The following EPHB6 variants were observed in gnomAD, a reference collection of about 807,000 sequenced individuals.
EPHB6 encodes the protein EPH receptor B6.
Under a neutral mutation model 107.0 loss-of-function variants are expected in EPHB6, and 51 were observed. The observed-to-expected ratio is 0.48, with a 90% CI of 0.38 to 0.60. The LOEUF (loss-of-function observed/expected upper bound fraction) is 0.60. Among genes scored for constraint, EPHB6 ranks in the 20% least tolerant of loss-of-function variants. The pLI is 0.00. For missense variants in EPHB6, 1,141 were observed against 1,355.5 expected, an observed-to-expected ratio of 0.84 and a Z score of 2.48; for synonymous variants, 553 against 549.0, an observed-to-expected ratio of 1.01 and a Z score of -0.10.
chr7:142,858,828 AAC>A (rs1486779596), intron 1 of EPHB6, among the ~76,000 whole-genome samples: 1 of 152,126 alleles, frequency 6.6e-6, no homozygotes, highest in African/African-American at 2.4e-5. Context: ...ATACCTAAGA[AAC>A]AGTCTTATTT....
chr7:142,867,104 G>A lies in EPHB6; in HGVS notation c.1750+36G>A. 6.2e-7 allele frequency: 1 copy of A among 1,604,414 alleles called. No homozygotes were observed. Among genetic ancestry groups the A allele is most frequent in the Non-Finnish European group, 8.5e-7 (1 of 1,177,432 alleles). On this transcript the variant is annotated intron_variant, in intron 11 of 19. Coordinates refer to ENST00000652003, the MANE Select transcript of EPHB6 (RefSeq NM_004445.6). The surrounding 1 kb of genome is among the most constrained non-coding windows in gnomAD (Gnocchi z 5.3). Reference sequence around the variant, plus strand: ...GTCAAGGGCCAGATGGGCAGGTGAAGGCCCAAGTGGGTAGTGAGGAGAGGC... The same window carrying A: ...GTCAAGGGCCAGATGGGCAGGTGAAAGCCCAAGTGGGTAGTGAGGAGAGGC...
Position 142,868,233 on chromosome 7 carries a change from C to T in EPHB6, c.1919-8C>T, listed in dbSNP as rs1794710333. ...AACACGCTCATAACATACTCCACAC[C>T]CCTCCAGGACTCGGGGTGAAGTATT... On this transcript the variant is annotated splice_region_variant and splice_polypyrimidine_tract_variant and intron_variant, in intron 13 of 19. Coordinates refer to ENST00000652003, the MANE Select transcript of EPHB6 (RefSeq NM_004445.6). The surrounding 1 kb of genome is among the most constrained non-coding windows in gnomAD (Gnocchi z 4.2). 1 of 1,614,150 alleles carries T rather than the reference C, an allele frequency of 6.2e-7. No homozygotes were observed. The highest frequency in any genetic ancestry group is 2.2e-5 in the East Asian group (1 of 44,876).
chr7:142,867,581 C>T lies in EPHB6; in HGVS notation c.1751-27C>T, dbSNP rs1274022861. 1.9e-6 allele frequency: 3 copies of T among 1,593,326 alleles called. No homozygotes were observed. The highest frequency in any genetic ancestry group is 2.7e-5 in the African/African-American group (2 of 74,678). ...AGCACCTGTGAGAGACCTGGCCCACCTGTGACCCTGTCGGCTGGTCCCCCA... is the reference window on the plus strand; with the variant it reads ...AGCACCTGTGAGAGACCTGGCCCACTTGTGACCCTGTCGGCTGGTCCCCCA... On this transcript the variant is annotated intron_variant, in intron 11 of 19. Transcript: ENST00000652003. The surrounding 1 kb of genome is among the most constrained non-coding windows in gnomAD (Gnocchi z 5.3).
chr7:142,863,786 G>A lies in EPHB6; in HGVS notation c.165+91G>A. ...GGAATTCATGAAGGAAACCCTGGGT[G>A]AGGATTATGGGAAAAGGATCCCTCC... On this transcript the variant is annotated intron_variant, in intron 6 of 19. Coordinates refer to ENST00000652003, the MANE Select transcript of EPHB6 (RefSeq NM_004445.6). The A allele has an allele frequency of 4.0e-6, 6 of 1,515,822 alleles. 1 individual carries two copies. The South Asian group carries it at 5.6e-5, about 14-fold the overall frequency. 93.9% of individuals were successfully genotyped at this position (1,515,822 alleles called of 1,614,324 possible). A position where few individuals can be genotyped will look rare whatever the true frequency, so the allele number is the denominator to read the frequency against.
In EPHB6 at chr7:142,865,620, C is replaced by T; in HGVS notation, c.1095C>T (p.Ala365=). 1 of 1,613,446 alleles carries T rather than the reference C, an allele frequency of 6.2e-7. No individual in the cohort carries two copies. Among genetic ancestry groups the T allele is most frequent in the Non-Finnish European group, 8.5e-7 (1 of 1,179,986 alleles). ...FYRASSDPPE[A]PCTGPPSAPQ... Reference sequence around the variant, plus strand: ...GGGCCAGTTCCGACCCACCAGAGGCCCCCTGCACTGGTGAGTTCCTCACCC... The same window carrying T: ...GGGCCAGTTCCGACCCACCAGAGGCTCCCTGCACTGGTGAGTTCCTCACCC... Residue 365 remains alanine, a synonymous_variant, in exon 8 of 20, where the codon GCC becomes GCT. Transcript: ENST00000652003.
chr7:142,865,836 C>T, intron 8 of EPHB6, 124 bp from the exon 9 acceptor site: 1 of 1,183,436 alleles, frequency 8.4e-7, no homozygotes, highest in African/African-American at 1.5e-5. Flanking sequence ...TGGGCTACCC[C>T]CACCCCACGC....
At position 142,870,692 on chromosome 7, in the gene EPHB6, A is replaced by C. The variant is rs750158472; in HGVS notation, c.2960+7A>C. On this transcript the variant is annotated splice_region_variant and intron_variant, in intron 19 of 19. Transcript: ENST00000652003. ...TGGCTCAGCTCAGCCTAGAGTAAGC[A>C]GGGAGTGGTGGGGTGGGGGCGAATG... 23 of 1,613,988 alleles carry C rather than the reference A, an allele frequency of 1.4e-5. No homozygotes were observed. The highest frequency in any genetic ancestry group is 1.3e-5 in the African/African-American group (1 of 74,898).
chr7:142,865,252 C>T (rs560998512), intron 7 of EPHB6, among the ~76,000 whole-genome samples: 15 of 152,248 alleles, frequency 9.9e-5, no homozygotes, highest in Non-Finnish European at 2.1e-4. Flanking sequence ...GTAACCCCCA[C>T]TGCACCTCAC....
Position 142,869,269 on chromosome 7 carries a change from A to G in EPHB6, c.2460+122A>G, listed in dbSNP as rs567361119. The G allele has an allele frequency of 1.0e-5, 12 of 1,147,788 alleles. No individual in the cohort carries two copies. The African/African-American group carries it at 1.5e-4, about 14-fold the overall frequency. The allele number at this position is 1,147,788 out of a possible 1,614,324, so 71.1% of individuals were successfully genotyped here. A position where few individuals can be genotyped will look rare whatever the true frequency, so the allele number is the denominator to read the frequency against. ...CAGCCGGGGTGTCATAGTCCCTGAA[A>G]GGAGGGAGGCTCTCCTGTGTGATGG... is the stretch of plus-strand genomic sequence containing the variant. On this transcript the variant is annotated intron_variant, in intron 16 of 19. Coordinates refer to ENST00000652003, the MANE Select transcript of EPHB6 (RefSeq NM_004445.6). This position sits in a 1 kb window ranked among gnomAD's most constrained non-coding sequence, Gnocchi z 4.5.
In EPHB6 at chr7:142,868,112, A is replaced by C. The variant is rs956814922; in HGVS notation, c.1918+63A>C. The stretch of plus-strand genomic sequence containing the variant: ...CACATGGGTGGGGCACATGGCAGGC[A>C]AGGCTGGATCCCCCCAAGATTGGGG... On this transcript the variant is annotated intron_variant, in intron 13 of 19. Coordinates refer to ENST00000652003, the MANE Select transcript of EPHB6 (RefSeq NM_004445.6). The surrounding 1 kb of genome is among the most constrained non-coding windows in gnomAD (Gnocchi z 4.2). 6.2e-7 allele frequency: 1 copy of C among 1,613,624 alleles called. No individual in the cohort carries two copies. The highest frequency in any genetic ancestry group is 1.3e-5 in the African/African-American group (1 of 74,926).
chr7:142,862,927 C>T (rs1208847534), intron 4 of EPHB6, 94 bp downstream of exon 4: 17 of 418,112 alleles, frequency 4.1e-5, no homozygotes, highest in East Asian at 2.6e-4. Context: ...GGAGTAGGCA[C>T]GAACACTCCA....
At position 142,869,747 on chromosome 7, in the gene EPHB6, C is replaced by T. The variant is rs1377618822; in HGVS notation, c.2461-70C>T. 1.3e-6 allele frequency: 2 copies of T among 1,552,954 alleles called. No individual in the cohort carries two copies. The highest frequency in any genetic ancestry group is 1.4e-5 in the African/African-American group (1 of 73,704). On this transcript the variant is annotated intron_variant, in intron 16 of 19. Coordinates refer to ENST00000652003, the MANE Select transcript of EPHB6 (RefSeq NM_004445.6). This position sits in a 1 kb window ranked among gnomAD's most constrained non-coding sequence, Gnocchi z 4.5. ...GTAAAACCCTTGGCATATCTGAGCA[C>T]ATAGTAGTTGCTCAATAAACGTGAC...
At position 142,864,535 on chromosome 7, in the gene EPHB6, G is replaced by C; in HGVS notation, c.735G>C (p.Glu245Asp). 6.2e-7 allele frequency: 1 copy of C among 1,613,404 alleles called. No homozygotes were observed. Among genetic ancestry groups the C allele is most frequent in the Non-Finnish European group, 8.5e-7 (1 of 1,179,982 alleles). The change falls in exon 7 of 20, where the codon GAG becomes GAC. Residue 245 changes from glutamate (E) to aspartate (D), a missense_variant. By Grantham distance (45) the Glu-to-Asp change is conservative. Around this residue, in one of 3 missense-constraint regions of EPHB6, gnomAD observed 304 missense variants for 295.7 expected, o/e 1.03. Transcript: ENST00000652003. The part of the protein sequence containing the change: ...AVLRSFASFP[E>D]TQASGAGGAS... ...TCCGATCCTTTGCTTCCTTTCCAGA[G>C]ACGCAGGCCAGTGGGGCTGGGGGGG... is the stretch of plus-strand genomic sequence containing the variant.
Position 142,858,742 on chromosome 7 carries a change from G to A in EPHB6, c.-431-2310G>A, listed in dbSNP as rs142000515. 1.1e-3 allele frequency among the ~76,000 whole-genome samples: 167 copies of A among 151,624 alleles called. 1 individual carries two copies. Among genetic ancestry groups the A allele is most frequent in the Admixed American group, 4.0e-3 (60 of 15,186 alleles). On this transcript the variant is annotated intron_variant, in intron 1 of 19. Transcript: ENST00000652003. ...TTTCATTTTTATAGCAACATAACTC[G>A]TAAGCTATGCTTTGTAACCTATGAT...
intron 1 of EPHB6, among the ~76,000 whole-genome samples, chr7:142,859,543 T>C (rs1193901425): frequency 6.6e-6 from 1 of 152,216 alleles, no homozygotes; most frequent in African/African-American, 2.4e-5. Context: ...TCTTTTTATA[T>C]ATTAAAATTA....
Position 142,867,200 on chromosome 7 carries a change from C to T in EPHB6, c.1750+132C>T. On this transcript the variant is annotated intron_variant, in intron 11 of 19. Coordinates refer to ENST00000652003, the MANE Select transcript of EPHB6 (RefSeq NM_004445.6). The surrounding 1 kb of genome is among the most constrained non-coding windows in gnomAD (Gnocchi z 5.3). ...AGAAGTTCTGTGGGAAAGGAGAGTG[C>T]CTTTTGCTCAGCAGCTGACCTAGGG... 2 of 1,208,914 alleles carry T rather than the reference C, an allele frequency of 1.7e-6. No homozygotes were observed. The highest frequency in any genetic ancestry group is 2.5e-5 in the East Asian group (1 of 39,760). The allele number at this position is 1,208,914 out of a possible 1,614,324, so 74.9% of individuals were successfully genotyped here.
chr7:142,863,930 C>G (rs746198323), intron 6 of EPHB6, 36 bp from the exon 7 acceptor site: 21 of 1,613,944 alleles, frequency 1.3e-5, no homozygotes, highest in Non-Finnish European at 1.7e-5. Context: ...TGCTTAAGCC[C>G]GGAGCCCCTA....
At position 142,868,700 on chromosome 7, in the gene EPHB6, G is replaced by A. The variant is rs149772779; in HGVS notation, c.2247G>A (p.Thr749=). 648 of 1,613,964 alleles carry A rather than the reference G, an allele frequency of 4.0e-4. No individual in the cohort carries two copies. In the African/African-American group the frequency reaches 7.3e-3, roughly 18 times the overall value. Reference sequence around the variant, plus strand: ...AGAGCCGACCCCTCATGGTGCTGACGGAGTTCATGGAGCTTGGCCCCCTGG... The same window carrying A: ...AGAGCCGACCCCTCATGGTGCTGACAGAGTTCATGGAGCTTGGCCCCCTGG... ...VTKSRPLMVL[T]EFMELGPLDS... The change falls in exon 15 of 20, where the codon ACG becomes ACA. Residue 749 remains threonine (T), a synonymous_variant. Coordinates refer to ENST00000652003, the MANE Select transcript of EPHB6 (RefSeq NM_004445.6). The surrounding 1 kb of genome is among the most constrained non-coding windows in gnomAD (Gnocchi z 4.2).
Position 142,867,736 on chromosome 7 carries a change from C to T in EPHB6, c.1865+14C>T. ...CGTCTTCCAGCGGTGAGTCCCCACC[C>T]CTGCCCAACTCTGCCCAGCACCATT... On this transcript the variant is annotated intron_variant, in intron 12 of 19. Transcript: ENST00000652003. This position sits in a 1 kb window ranked among gnomAD's most constrained non-coding sequence, Gnocchi z 5.3. 1 of 1,599,756 alleles carries T rather than the reference C, an allele frequency of 6.3e-7. No homozygotes were observed. Among genetic ancestry groups the T allele is most frequent in the Non-Finnish European group, 8.5e-7 (1 of 1,172,916 alleles).
Sources: gnomAD v4.1 joint callset for allele counts (sites outside exome capture counted in the v4.1 genomes callset) on GRCh38, gnomAD v4.1.1 for gene constraint, gnomAD v4.1.1 regional missense constraint, Gnocchi (gnomAD v3.1) non-coding constraint, MANE v1.5 for transcripts, NCBI Gene and HGNC (gene_info 2026-07-23, HGNC 2026-07-21) for gene names.